The following THEMIS variants were observed in gnomAD, a reference collection of about 807,000 sequenced individuals.
The protein encoded by THEMIS is thymocyte selection associated, also known as protein THEMIS.
Under a neutral mutation model 52.6 loss-of-function variants are expected in THEMIS, and 37 were observed. The observed-to-expected ratio is 0.70, with a 90% CI of 0.54 to 0.93. THEMIS has a LOEUF of 0.93. Ranked by LOEUF, THEMIS falls within the 40% of genes least tolerant of loss-of-function variation. The pLI is 0.00. For synonymous variants in THEMIS, 292 were observed against 272.7 expected (o/e 1.07, Z -0.70); for missense variants, 808 against 763.1 (o/e 1.06, Z -0.69).
rs1316028200 is a variant in THEMIS at position 127,813,044 on chromosome 6, C to T, written c.1597G>A (p.Glu533Lys). Residue 533 changes from glutamate (E) to lysine (K), a missense_variant, in exon 4 of 6, where the codon GAA becomes AAA. Transcript: ENST00000368248. The part of the protein sequence containing the change: ...AEPFLVRTLV[E>K]EITEEQYYMM... ...TAATATTGCTCTTCAGTGATCTCTT[C>T]TACCAGAGTCCTGACTAGAAATGGT... 2 of 1,614,120 alleles carry T rather than the reference C, an allele frequency of 1.2e-6. No homozygotes were observed. The highest frequency in any genetic ancestry group is 1.7e-6 in the Non-Finnish European group (2 of 1,180,018).
At chr6:127,903,737 G>GAA (rs752486359), upstream of THEMIS, among the ~76,000 whole-genome samples, 2 of 134,750 alleles carry the variant, frequency 1.5e-5, no homozygotes, top group South Asian at 2.3e-4. Context: ...GAACAAAATA[G>GAA]AAAAAAAAAA....
At chr6:127,755,943 C>T (rs1947086) in intron 4 of THEMIS, among the ~76,000 whole-genome samples, 4,194 of 151,986 alleles carry the variant, frequency 0.028, 192 homozygotes, top group African/African-American at 0.095. Context: ...AGAAGAATTG[C>T]TTGAACCCAG....
downstream of THEMIS, among the ~76,000 whole-genome samples, chr6:127,707,325 T>C (rs561954921): frequency 6.6e-6 from 1 of 152,186 alleles, no homozygotes; most frequent in South Asian, 2.1e-4. Context: ...AGAGAGAGAA[T>C]GGGAATGTAT....
At chr6:127,914,791 G>A (rs545185491) in intron 1 of THEMIS, among the ~76,000 whole-genome samples, 176 of 152,288 alleles carry the variant, frequency 1.2e-3, no homozygotes, top group Admixed American at 4.3e-3. Context: ...AAAGTTACAT[G>A]CTTTTCTACA....
intron 4 of THEMIS, among the ~76,000 whole-genome samples, chr6:127,788,618 T>A (rs1449739474): frequency 6.6e-6 from 1 of 152,194 alleles, no homozygotes; most frequent in Non-Finnish European, 1.5e-5. Flanking sequence ...TGAAAATAAG[T>A]TATTTTAACA....
At chr6:127,798,379 G>A (rs977992450) in intron 4 of THEMIS, among the ~76,000 whole-genome samples, 1 of 151,914 alleles carries the variant, frequency 6.6e-6, no homozygotes, top group Admixed American at 6.6e-5. Flanking sequence ...TATACTTTAA[G>A]TTTTAGGGTA....
upstream of THEMIS, among the ~76,000 whole-genome samples, chr6:127,902,766 GT>G (rs1190020748): frequency 6.6e-6 from 1 of 151,956 alleles, no homozygotes; most frequent in Non-Finnish European, 1.5e-5. Flanking sequence ...CCTCCCCACA[GT>G]TTACAGCCTA....
chr6:127,818,242 G>T (rs1051205533), intron 3 of THEMIS, among the ~76,000 whole-genome samples: 1 of 152,106 alleles, frequency 6.6e-6, no homozygotes, highest in Admixed American at 6.5e-5. Flanking sequence ...ACTTGTGAAG[G>T]TCACAGCCTA....
At chr6:127,768,402 AGT>A (rs1776268673) in intron 4 of THEMIS, among the ~76,000 whole-genome samples, 1 of 152,182 alleles carries the variant, frequency 6.6e-6, no homozygotes, top group Non-Finnish European at 1.5e-5. Flanking sequence ...CTGACTTCAA[AGT>A]GTAAATATTT....
intron 3 of THEMIS, among the ~76,000 whole-genome samples, chr6:127,821,996 AC>A (rs1370779427): frequency 1.3e-5 from 2 of 151,880 alleles, no homozygotes; most frequent in Non-Finnish European, 2.9e-5. Context: ...ATTTCTCCCA[AC>A]TTCTAGTTCC....
Position 127,829,464 on chromosome 6 carries a change from G to C in THEMIS, c.709+12C>G, listed in dbSNP as rs199539520. 3.2e-5 allele frequency: 51 copies of C among 1,579,228 alleles called. No individual in the cohort carries two copies. In the African/African-American group the frequency reaches 6.2e-4, roughly 19 times the overall value. The stretch of plus-strand genomic sequence containing the variant: ...TCATGCTCATAGAACATCATTCTCA[G>C]TGGATACTCACATTTCATCACACCT... On this transcript the variant is annotated intron_variant, in intron 3 of 5. Coordinates refer to ENST00000368248, the MANE Select transcript of THEMIS (RefSeq NM_001010923.3).
intron 2 of THEMIS, among the ~76,000 whole-genome samples, chr6:127,845,435 C>A (rs1779180601): frequency 6.6e-6 from 1 of 151,836 alleles, no homozygotes; most frequent in Non-Finnish European, 1.5e-5. Flanking sequence ...GAACAGCAAA[C>A]TTTGTGGCAC....
At chr6:127,886,491 A>G (rs2114452009) in intron 1 of THEMIS, among the ~76,000 whole-genome samples, 1 of 152,262 alleles carries the variant, frequency 6.6e-6, no homozygotes, top group Middle Eastern at 3.4e-3. Context: ...GGGCCATACC[A>G]GAAAGTTTAT....
intron 2 of THEMIS, among the ~76,000 whole-genome samples, chr6:127,838,908 C>T (rs997433058): frequency 1.3e-5 from 2 of 152,060 alleles, no homozygotes. Flanking sequence ...CAACTAGTAC[C>T]ACTATTGTAA....
chr6:127,908,106 T>C (rs1455335086), intron 1 of THEMIS, among the ~76,000 whole-genome samples: 2 of 152,240 alleles, frequency 1.3e-5, no homozygotes, highest in East Asian at 3.9e-4. Context: ...CACTTTTAGT[T>C]TCCTTTTGAA....
intron 4 of THEMIS, among the ~76,000 whole-genome samples, chr6:127,752,784 C>G (rs1775691920): frequency 6.6e-6 from 1 of 151,642 alleles, no homozygotes; most frequent in Non-Finnish European, 1.5e-5. Flanking sequence ...TCAAACTCTT[C>G]TAAAAAATTA....
In THEMIS at chr6:127,709,967, G is replaced by A. The variant is rs747610983; in HGVS notation, c.*18C>T. The A allele has an allele frequency of 1.2e-5, 19 of 1,582,890 alleles. No homozygotes were observed. The highest frequency in any genetic ancestry group is 1.6e-5 in the Non-Finnish European group (19 of 1,167,170). On this transcript the variant is annotated 3_prime_UTR_variant, in exon 6 of 6. Coordinates refer to ENST00000368248, the MANE Select transcript of THEMIS (RefSeq NM_001010923.3). ...CAACATTTATGTTTGCTGCCTAAGT[G>A]GCTTCTGTCACATCTTGTTATTTTT...
chr6:127,861,177 T>C (rs1235485514), intron 1 of THEMIS, among the ~76,000 whole-genome samples: 4 of 152,176 alleles, frequency 2.6e-5, no homozygotes, highest in Admixed American at 1.3e-4. Context: ...AGTTGGCTTA[T>C]TGTTTTAGGA....
chr6:127,837,436 C>T (rs555944617), intron 2 of THEMIS, among the ~76,000 whole-genome samples: 89 of 152,126 alleles, frequency 5.9e-4, no homozygotes, highest in Non-Finnish European at 1.0e-3. Flanking sequence ...AGCTAATCTC[C>T]TCATTTAATT....
Sources: allele counts gnomAD v4.1 joint callset (sites outside exome capture counted in the v4.1 genomes callset), GRCh38; gene constraint gnomAD v4.1.1; transcripts MANE v1.5; gene names NCBI Gene and HGNC (gene_info 2026-07-23, HGNC 2026-07-21).